Variants in CTIF observed in about 807,000 individuals in gnomAD.
CTIF encodes the protein CBP80/20-dependent translation initiation factor.
In CTIF, 21 loss-of-function variants were observed where a neutral mutation model predicts 66.0. That is an observed-to-expected ratio of 0.32 (90% CI 0.23 to 0.46). The LOEUF (loss-of-function observed/expected upper bound fraction) is 0.46. CTIF is among the 20% of genes least tolerant of loss of function. The pLI is 1.00. For synonymous variants in CTIF, 345 were observed against 326.4 expected (o/e 1.06, Z -0.62); for missense variants, 739 against 812.7 (o/e 0.91, Z 1.10).
intron 9 of CTIF, among the ~76,000 whole-genome samples, chr18:48,767,278 G>A (rs989549592): frequency 6.6e-6 from 1 of 152,204 alleles, no homozygotes; most frequent in Non-Finnish European, 1.5e-5. Context: ...CAGTTTCACA[G>A]AGAAGTGAAG....
chr18:48,670,079 G>A (rs113002094), intron 5 of CTIF, among the ~76,000 whole-genome samples: 2,446 of 151,788 alleles, frequency 0.016, 43 homozygotes, highest in African/African-American at 0.053. Flanking sequence ...TTCAAACCCT[G>A]GGAGTCTGGT....
chr18:48,653,476 G>A lies in CTIF; in HGVS notation c.253-10276G>A, dbSNP rs190981026. 3.4e-3 allele frequency among the ~76,000 whole-genome samples: 522 copies of A among 152,104 alleles called. 4 individuals carry two copies. Among genetic ancestry groups the A allele is most frequent in the African/African-American group, 0.012 (494 of 41,468 alleles). On this transcript the variant is annotated intron_variant, in intron 3 of 11. Transcript: ENST00000256413. ...AACCACTACTCAATGAAATAAAAGA[G>A]GACACAAACAAATGGAAGAACATTC...
chr18:48,782,853 C>G (rs1381621957), intron 9 of CTIF, among the ~76,000 whole-genome samples: 1 of 152,180 alleles, frequency 6.6e-6, no homozygotes, highest in East Asian at 1.9e-4. Context: ...ATGCCCACGC[C>G]TGTGGCCCGG....
intron 2 of CTIF, among the ~76,000 whole-genome samples, chr18:48,621,919 C>T (rs972513612): frequency 3.9e-5 from 6 of 152,198 alleles, no homozygotes; most frequent in African/African-American, 1.4e-4. Context: ...TATCCCCAGC[C>T]CCCAGCGGTT....
chr18:48,713,813 T>C (rs144928800), intron 7 of CTIF, among the ~76,000 whole-genome samples: 23 of 152,332 alleles, frequency 1.5e-4, no homozygotes, highest in Non-Finnish European at 2.9e-4. Context: ...AGTTTTCAGC[T>C]AGACCGAAGA....
At chr18:48,708,036 T>A (rs975843966) in intron 6 of CTIF, among the ~76,000 whole-genome samples, 1 of 152,244 alleles carries the variant, frequency 6.6e-6, no homozygotes, top group African/African-American at 2.4e-5. Flanking sequence ...CATGTTGTAG[T>A]GTGGCTCAGA....
At chr18:48,654,722 CCCAAAT>C (rs1314958854) in intron 3 of CTIF, among the ~76,000 whole-genome samples, 1 of 152,202 alleles carries the variant, frequency 6.6e-6, no homozygotes, top group Non-Finnish European at 1.5e-5. Flanking sequence ...TTGGAACCAA[CCCAAAT>C]GTCTACCAGT....
chr18:48,620,798 G>T (rs1185469362), intron 2 of CTIF, among the ~76,000 whole-genome samples: 2 of 152,160 alleles, frequency 1.3e-5, no homozygotes, highest in African/African-American at 4.8e-5. Context: ...TTGGGAAAAG[G>T]CTGAGTCCAA....
Position 48,676,073 on chromosome 18 carries a change from A to G in CTIF, c.507+5329A>G, listed in dbSNP as rs1448158078. ...ACTCTGAGGTGTGACTTGGGGAGCA[A>G]TTTCTCCATGTGTGTGAAGTCGGCG... On this transcript the variant is annotated intron_variant, in intron 6 of 11. Coordinates refer to ENST00000256413, the MANE Select transcript of CTIF (RefSeq NM_014772.3). 3.3e-5 allele frequency among the ~76,000 whole-genome samples: 5 copies of G among 151,748 alleles called. No individual in the cohort carries two copies. The East Asian group carries it at 7.8e-4, about 24-fold the overall frequency.
intron 9 of CTIF, among the ~76,000 whole-genome samples, chr18:48,785,098 C>G (rs1238602256): frequency 1.3e-5 from 2 of 152,216 alleles, no homozygotes; most frequent in Non-Finnish European, 2.9e-5. Context: ...TTCTCTTTTC[C>G]TACCATCCCA....
At chr18:48,583,903 T>C (rs181497198) in intron 1 of CTIF, among the ~76,000 whole-genome samples, 100 of 152,324 alleles carry the variant, frequency 6.6e-4, no homozygotes, top group African/African-American at 2.3e-3. Flanking sequence ...ACTTCTCTTG[T>C]GTTTAGGGAG....
chr18:48,827,687 G>T (rs1222159920), intron 10 of CTIF, among the ~76,000 whole-genome samples: 1 of 151,876 alleles, frequency 6.6e-6, no homozygotes, highest in Admixed American at 6.6e-5. Flanking sequence ...CTAGGGCCAG[G>T]TACCCAGCCC....
At chr18:48,664,624 A>G in intron 5 of CTIF, 73 bp downstream of exon 5, 1 of 1,321,776 alleles carries the variant, frequency 7.6e-7, no homozygotes, top group Non-Finnish European at 1.1e-6. Flanking sequence ...CTCCACAGGG[A>G]GGCTGCTCTG....
At chr18:48,786,609 C>T (rs1415897569) in intron 9 of CTIF, among the ~76,000 whole-genome samples, 5 of 152,196 alleles carry the variant, frequency 3.3e-5, no homozygotes, top group East Asian at 1.9e-4. Context: ...CGACTGTGAA[C>T]GTGCAGTTCA....
intron 1 of CTIF, chr18:48,567,260 G>C (rs1002966190): frequency 6.6e-6 from 1 of 152,240 alleles, no homozygotes; most frequent in Non-Finnish European, 1.5e-5. Flanking sequence ...GGGACAGAAG[G>C]AAACAGAAGC....
intron 1 of CTIF, among the ~76,000 whole-genome samples, chr18:48,613,458 G>A (rs1457541945): frequency 6.6e-6 from 1 of 152,180 alleles, no homozygotes; most frequent in Non-Finnish European, 1.5e-5. Context: ...GGGATGGGGA[G>A]GAAGGGGAGG....
rs961134560 is a variant in CTIF at position 48,860,022 on chromosome 18, G to A, written c.*463G>A. The A allele has an allele frequency of 8.6e-5, 38 of 443,382 alleles. No individual in the cohort carries two copies. Among genetic ancestry groups the A allele is most frequent in the Admixed American group, 5.7e-4 (24 of 42,078 alleles). 27.5% of individuals were successfully genotyped at this position (443,382 alleles called of 1,614,324 possible). On this transcript the variant is annotated 3_prime_UTR_variant, in exon 12 of 12. Transcript: ENST00000256413. ...GCATTGTTCCCGCATGCTGTCAGCC[G>A]CAGTCGCCAACTGGCAGCAGGCGAC...
chr18:48,725,355 G>A (rs1016588012), intron 7 of CTIF, among the ~76,000 whole-genome samples: 4 of 152,150 alleles, frequency 2.6e-5, no homozygotes, highest in Non-Finnish European at 4.4e-5. Context: ...TTTAGGCAGA[G>A]CACACAAAGG....
At chr18:48,572,545 G>A (rs1395090839) in intron 1 of CTIF, among the ~76,000 whole-genome samples, 1 of 152,196 alleles carries the variant, frequency 6.6e-6, no homozygotes, top group Non-Finnish European at 1.5e-5. Context: ...GGAGCTAGAA[G>A]CAGAATCTGG....
Sources: allele counts gnomAD v4.1 joint callset (sites outside exome capture counted in the v4.1 genomes callset), GRCh38; gene constraint gnomAD v4.1.1; transcripts MANE v1.5; gene names NCBI Gene and HGNC (gene_info 2026-07-23, HGNC 2026-07-21).